The following DDR2 variants were observed in gnomAD, a reference collection of about 807,000 sequenced individuals.
DDR2 encodes discoidin domain-containing receptor 2.
DDR2 carries 27 observed loss-of-function variants against 94.9 expected under a neutral mutation model. The ratio of observed to expected loss-of-function variants is 0.28; its 90% confidence interval spans 0.21 to 0.39. The LOEUF is 0.39. Ranked by LOEUF, DDR2 falls within the 10% of genes least tolerant of loss-of-function variation. DDR2 has a pLI of 1.00. For synonymous variants in DDR2, 382 were observed against 377.2 expected, an observed-to-expected ratio of 1.01 and a Z score of -0.15; for missense variants, 783 against 1,076.0, an observed-to-expected ratio of 0.73 and a Z score of 3.81.
intron 1 of DDR2, among the ~76,000 whole-genome samples, chr1:162,643,631 C>G (rs1302563300): frequency 6.6e-6 from 1 of 152,134 alleles, no homozygotes; most frequent in Admixed American, 6.5e-5. Context: ...CAGGCACCCA[C>G]CACCATGCCC....
intron 2 of DDR2, among the ~76,000 whole-genome samples, chr1:162,670,202 C>T (rs1658765048): frequency 1.3e-5 from 2 of 152,212 alleles, no homozygotes; most frequent in Admixed American, 6.5e-5. Flanking sequence ...CCTCTGCCTC[C>T]TGGGTTCAAG....
rs879361558 is a variant in DDR2 at position 162,688,468 on chromosome 1, A to G, written c.-27-30569A>G. Reference sequence around the variant, plus strand: ...GAGGCACAGAGATGTTAAGTGTTTCAGCCCAGGTAAATAAGTGGTTCAATC... The same window carrying G: ...GAGGCACAGAGATGTTAAGTGTTTCGGCCCAGGTAAATAAGTGGTTCAATC... On this transcript the variant is annotated intron_variant, in intron 2 of 17. Transcript: ENST00000367921. Among the ~76,000 whole-genome samples the G allele has an allele frequency of 2.4e-3, 364 of 152,336 alleles. 2 individuals carry two copies. Among genetic ancestry groups the G allele is most frequent in the Admixed American group, 3.3e-3 (51 of 15,304 alleles).
chr1:162,710,250 G>A (rs1660837066), intron 2 of DDR2, among the ~76,000 whole-genome samples: 1 of 152,134 alleles, frequency 6.6e-6, no homozygotes, highest in African/African-American at 2.4e-5. Flanking sequence ...TATAACAAAG[G>A]CAGAAGTGGA....
At chr1:162,634,845 G>A (rs562782195) in intron 1 of DDR2, among the ~76,000 whole-genome samples, 1 of 152,140 alleles carries the variant, frequency 6.6e-6, no homozygotes, top group Non-Finnish European at 1.5e-5. Flanking sequence ...GAGGAGCTTC[G>A]TATCTAGCTG....
intron 1 of DDR2, among the ~76,000 whole-genome samples, chr1:162,638,907 C>G (rs1656976200): frequency 6.6e-6 from 1 of 151,936 alleles, no homozygotes; most frequent in East Asian, 1.9e-4. Context: ...CTAATCCCAA[C>G]CAAAATTCTA....
intron 3 of DDR2, among the ~76,000 whole-genome samples, chr1:162,720,170 A>C (rs1661355291): frequency 6.6e-6 from 1 of 151,420 alleles, no homozygotes; most frequent in South Asian, 2.1e-4. Context: ...TCATTTTGCT[A>C]CAAATATGAA....
At chr1:162,726,465 T>C (rs1661671537) in intron 3 of DDR2, among the ~76,000 whole-genome samples, 1 of 152,178 alleles carries the variant, frequency 6.6e-6, no homozygotes. Flanking sequence ...CCTAAAACTT[T>C]GCCTTCACCC....
At chr1:162,649,694 T>C (rs1191621855) in intron 1 of DDR2, among the ~76,000 whole-genome samples, 1 of 152,200 alleles carries the variant, frequency 6.6e-6, no homozygotes, top group African/African-American at 2.4e-5. Flanking sequence ...CTGCACTGAT[T>C]AGACTGTTGG....
At chr1:162,741,204 C>T (rs375429171) in intron 3 of DDR2, among the ~76,000 whole-genome samples, 41 of 50,330 alleles carry the variant, frequency 8.1e-4, no homozygotes, top group Middle Eastern at 0.023. Flanking sequence ...TAATACAATA[C>T]AATACAATAT....
intron 1 of DDR2, among the ~76,000 whole-genome samples, chr1:162,647,224 C>T (rs1456465746): frequency 1.3e-5 from 2 of 152,116 alleles, no homozygotes; most frequent in African/African-American, 2.4e-5. Context: ...CCTGACCATC[C>T]AGGATGAGAT....
intron 1 of DDR2, among the ~76,000 whole-genome samples, chr1:162,648,074 G>A (rs977424420): frequency 1.4e-5 from 2 of 143,670 alleles, no homozygotes; most frequent in African/African-American, 5.2e-5. Flanking sequence ...TTTTTTTTGA[G>A]TACTTACTAA....
intron 14 of DDR2, among the ~76,000 whole-genome samples, 199 bp downstream of exon 14, chr1:162,773,795 G>A (rs368766400): frequency 6.6e-6 from 1 of 152,076 alleles, no homozygotes; most frequent in Admixed American, 6.5e-5. Context: ...AAACACAAAG[G>A]TACATTTTCC....
intron 3 of DDR2, among the ~76,000 whole-genome samples, chr1:162,748,173 G>A (rs1662980024): frequency 1.3e-5 from 2 of 152,124 alleles, no homozygotes; most frequent in South Asian, 2.1e-4. Context: ...ATGTAAATGG[G>A]CTAAATGCTC....
At chr1:162,669,440 T>G (rs1392448490) in intron 2 of DDR2, among the ~76,000 whole-genome samples, 1 of 152,250 alleles carries the variant, frequency 6.6e-6, no homozygotes, top group East Asian at 1.9e-4. Context: ...GGGAAACAAA[T>G]CTATTTTCTC....
chr1:162,766,499 T>A, intron 10 of DDR2, among the ~76,000 whole-genome samples: 1 of 152,144 alleles, frequency 6.6e-6, no homozygotes, highest in South Asian at 2.1e-4. Context: ...GGGAAACATG[T>A]GGGATTGAAT....
intron 2 of DDR2, among the ~76,000 whole-genome samples, chr1:162,713,015 T>C (rs1353490258): frequency 6.6e-6 from 1 of 152,058 alleles, no homozygotes; most frequent in Non-Finnish European, 1.5e-5. Context: ...ACAGCCTCAA[T>C]TGAGGGTGAA....
intron 4 of DDR2, 42 bp downstream of exon 4, chr1:162,753,239 G>A (rs1663301176): frequency 6.3e-7 from 1 of 1,584,722 alleles, no homozygotes; most frequent in South Asian, 1.1e-5. Context: ...TCTGGGGTTG[G>A]GCAGATTTCC....
chr1:162,745,053 T>A (rs1395449833), intron 3 of DDR2, among the ~76,000 whole-genome samples: 1 of 152,236 alleles, frequency 6.6e-6, no homozygotes, highest in African/African-American at 2.4e-5. Context: ...TAAGGTGATA[T>A]CTCATTATGG....
intron 3 of DDR2, among the ~76,000 whole-genome samples, chr1:162,735,843 C>A (rs1189786835): frequency 1.3e-5 from 2 of 152,242 alleles, no homozygotes; most frequent in African/African-American, 4.8e-5. Flanking sequence ...TCAGAATGAG[C>A]AGTACGTTAG....
Sources: allele counts gnomAD v4.1 joint callset (sites outside exome capture counted in the v4.1 genomes callset), GRCh38; gene constraint gnomAD v4.1.1; transcripts MANE v1.5; gene names NCBI Gene and HGNC (gene_info 2026-07-23, HGNC 2026-07-21).